GAB1: variants seen among roughly 807,000 people sequenced by gnomAD.
GAB1 encodes GRB2-associated-binding protein 1.
GAB1 carries 19 observed loss-of-function variants against 66.5 expected under a neutral mutation model. That is an observed-to-expected ratio of 0.29 (90% confidence interval 0.20 to 0.42). GAB1 has a LOEUF of 0.42. Ranked by LOEUF, GAB1 falls within the 10% of genes least tolerant of loss-of-function variation. The pLI, the probability that GAB1 is intolerant of heterozygous loss-of-function variation, is 1.00. For synonymous variants in GAB1, 294 were observed against 301.4 expected (o/e 0.98, Z 0.25); for missense variants, 732 against 858.5 (o/e 0.85, Z 1.84).
At chr4:143,337,695 C>T (rs532409340) in intron 1 of GAB1, among the ~76,000 whole-genome samples, 4 of 152,224 alleles carry the variant, frequency 2.6e-5, no homozygotes, top group African/African-American at 9.6e-5. Flanking sequence ...GCTCACTAGC[C>T]CTTTCTTTGG....
chr4:143,339,843 T>G (rs982667364), intron 1 of GAB1, among the ~76,000 whole-genome samples: 1 of 152,212 alleles, frequency 6.6e-6, no homozygotes, highest in African/African-American at 2.4e-5. Flanking sequence ...CATTGTGTTT[T>G]CCACAGGAGG....
chr4:143,465,379 A>G (rs1315495252), intron 8 of GAB1, among the ~76,000 whole-genome samples: 2 of 152,052 alleles, frequency 1.3e-5, no homozygotes, highest in African/African-American at 4.8e-5. Flanking sequence ...TGAAATGGTT[A>G]TTTACAAATT....
intron 1 of GAB1, among the ~76,000 whole-genome samples, chr4:143,406,443 G>A (rs1047763440): frequency 6.6e-6 from 1 of 152,188 alleles, no homozygotes; most frequent in African/African-American, 2.4e-5. Flanking sequence ...AGTTCTTAGG[G>A]AGATGAGCCA....
chr4:143,370,798 G>A (rs1166787691), intron 1 of GAB1, among the ~76,000 whole-genome samples: 1 of 152,174 alleles, frequency 6.6e-6, no homozygotes, highest in Non-Finnish European at 1.5e-5. Flanking sequence ...AACATGCAGT[G>A]TTTGGTTTTC....
chr4:143,453,853 ATAAAATTAT>A (rs1349716354), intron 6 of GAB1, among the ~76,000 whole-genome samples: 9 of 152,286 alleles, frequency 5.9e-5, no homozygotes, highest in East Asian at 3.9e-4. Context: ...CAGCTTGGTA[ATAAAATTAT>A]TAAAATTTCT....
rs1167042745 is a variant in GAB1 at position 143,473,070 on chromosome 4, ATC to A, written c.*3885_*3886del. 6.6e-6 allele frequency: 1 copy of A among 152,200 alleles called. No individual in the cohort carries two copies. The highest frequency in any genetic ancestry group is 1.5e-5 in the Non-Finnish European group (1 of 68,028). The allele number at this position is 152,200 out of a possible 1,614,324, so 9.4% of individuals were successfully genotyped here. A position where few individuals can be genotyped will look rare whatever the true frequency, so the allele number is the denominator to read the frequency against. On this transcript the variant is annotated 3_prime_UTR_variant, in exon 10 of 10. Coordinates refer to ENST00000262994, the MANE Select transcript of GAB1 (RefSeq NM_002039.4). ...CTTAATTTTATTCCGGTTCAGTATA[ATC>A]TCTGTTAACAGAGTTTCAGCAAACT...
chr4:143,361,626 T>A (rs1729664419), intron 1 of GAB1, among the ~76,000 whole-genome samples: 1 of 152,198 alleles, frequency 6.6e-6, no homozygotes. Flanking sequence ...GGGGAATATA[T>A]TGCCACTGCC....
intron 1 of GAB1, among the ~76,000 whole-genome samples, chr4:143,356,406 C>T (rs1729449632): frequency 6.6e-6 from 1 of 152,038 alleles, no homozygotes; most frequent in Non-Finnish European, 1.5e-5. Flanking sequence ...TTGTAAAGTA[C>T]ATTGGAATCT....
chr4:143,370,998 G>A lies in GAB1; in HGVS notation c.72+33738G>A, dbSNP rs557569014. On this transcript the variant is annotated intron_variant, in intron 1 of 9. Coordinates refer to ENST00000262994, the MANE Select transcript of GAB1 (RefSeq NM_002039.4). ...AGTCTTTACTATTGTGAATAGTGAC[G>A]CAATAAACATATGTCCGCATGTGTC... Among the ~76,000 whole-genome samples, 10 of 152,244 alleles carry A rather than the reference G, an allele frequency of 6.6e-5. No individual in the cohort carries two copies. In the South Asian group the frequency reaches 1.0e-3, roughly 16 times the overall value.
At chr4:143,439,156 A>C (rs1237799233) in intron 4 of GAB1, among the ~76,000 whole-genome samples, 2 of 152,194 alleles carry the variant, frequency 1.3e-5, no homozygotes, top group East Asian at 3.8e-4. Flanking sequence ...ATTGCTAGTG[A>C]GTATACTTTC....
chr4:143,439,971 A>G (rs920839348), intron 5 of GAB1, 84 bp downstream of exon 5: 2 of 1,408,900 alleles, frequency 1.4e-6, no homozygotes, highest in Non-Finnish European at 2.0e-6. Flanking sequence ...AAGTGATATC[A>G]TGAAATAAAA....
intron 6 of GAB1, among the ~76,000 whole-genome samples, chr4:143,448,234 T>C (rs1415913843): frequency 1.3e-5 from 2 of 151,966 alleles, no homozygotes; most frequent in Non-Finnish European, 2.9e-5. Context: ...TCATCAAGGA[T>C]ATTGATCTAA....
intron 1 of GAB1, among the ~76,000 whole-genome samples, chr4:143,359,821 G>A (rs977210635): frequency 9.8e-5 from 15 of 152,314 alleles, no homozygotes; most frequent in African/African-American, 3.6e-4. Context: ...AAGTGATGGT[G>A]ATGGTTTCTC....
rs1452264231 is a variant in GAB1 at position 143,376,196 on chromosome 4, G to GA, written c.72+38943dup. Among the ~76,000 whole-genome samples, 5 of 151,920 alleles carry GA rather than the reference G, an allele frequency of 3.3e-5. No individual in the cohort carries two copies. In the East Asian group the frequency reaches 5.8e-4, roughly 18 times the overall value. ...TAAGGGAAGGAATGAATATAAAAAA[G>GA]AAAAAAATACAACTATATGAGGTAA... On this transcript the variant is annotated intron_variant, in intron 1 of 9. Transcript: ENST00000262994.
At chr4:143,404,049 A>T (rs534185753) in intron 1 of GAB1, among the ~76,000 whole-genome samples, 2 of 152,326 alleles carry the variant, frequency 1.3e-5, no homozygotes, top group Non-Finnish European at 2.9e-5. Context: ...AGTGATCCAA[A>T]TCTTAATATA....
At chr4:143,445,919 A>G (rs1276442275) in intron 6 of GAB1, among the ~76,000 whole-genome samples, 2 of 152,082 alleles carry the variant, frequency 1.3e-5, no homozygotes, top group Non-Finnish European at 2.9e-5. Flanking sequence ...CATTAGGTAT[A>G]TCTCCTAATG....
At chr4:143,420,515 T>C (rs1465239960) in intron 2 of GAB1, among the ~76,000 whole-genome samples, 2 of 152,124 alleles carry the variant, frequency 1.3e-5, no homozygotes, top group East Asian at 3.8e-4. Flanking sequence ...CCTAGCTCAT[T>C]AAACTGTGTG....
At chr4:143,393,881 A>G (rs1731307129) in intron 1 of GAB1, among the ~76,000 whole-genome samples, 1 of 152,234 alleles carries the variant, frequency 6.6e-6, no homozygotes, top group African/African-American at 2.4e-5. Context: ...AAACAGCACA[A>G]AGATCCTTTT....
At chr4:143,371,348 T>G (rs927949962) in intron 1 of GAB1, among the ~76,000 whole-genome samples, 4 of 152,262 alleles carry the variant, frequency 2.6e-5, no homozygotes. Context: ...AAATGTCTCC[T>G]TTTGAGAAGT....
Sources: gnomAD v4.1 joint callset for allele counts (sites outside exome capture counted in the v4.1 genomes callset) on GRCh38, gnomAD v4.1.1 for gene constraint, MANE v1.5 for transcripts, NCBI Gene and HGNC (gene_info 2026-07-23, HGNC 2026-07-21) for gene names.